Variants in ESM1 observed in about 807,000 individuals in gnomAD.
ESM1 encodes the protein endothelial cell specific molecule 1, also known as endothelial cell-specific molecule 1.
In ESM1, 7 loss-of-function variants were observed where a neutral mutation model predicts 14.9. The ratio of observed to expected loss-of-function variants is 0.47; its 90% CI spans 0.27 to 0.88. ESM1 has a LOEUF of 0.88. Among genes scored for constraint, ESM1 ranks in the 40% least tolerant of loss-of-function variants. The probability of loss-of-function intolerance (pLI) is 0.14; values close to 1 mark genes in which losing one functional copy is unlikely to be tolerated. For synonymous variants in ESM1, 89 were observed against 89.4 expected (o/e 1.00, Z 0.02); for missense variants, 192 against 237.9 (o/e 0.81, Z 1.27).
rs367904025 is a variant in ESM1, at chr5:54,981,999, G to A, written c.449C>T (p.Thr150Met). The A allele has an allele frequency of 2.7e-5, 43 of 1,613,778 alleles. No homozygotes were observed. Among genetic ancestry groups the A allele is most frequent in the Admixed American group, 5.0e-5 (3 of 59,998 alleles). ...TKSSNRFVSLTEHDMASGDGN... is the reference protein window; with the variant it reads ...TKSSNRFVSLMEHDMASGDGN... ...CTTATACCAGAATCAGTGCTTACCC[G>A]TGAGAGAAACAAATCTGTTGGAAGA... Residue 150 changes from threonine to methionine, a missense_variant and splice_region_variant, in exon 2 of 3, where the codon ACG (threonine) becomes ATG (methionine). Physicochemically the swap from Thr to Met is moderately conservative, Grantham distance 81. Transcript: ENST00000381405.
At chr5:54,979,472 C>T in intron 2 of ESM1, 37 bp from the exon 3 acceptor site, 1 of 1,354,602 alleles carries the variant, frequency 7.4e-7, no homozygotes, top group Non-Finnish European at 1.1e-6. Context: ...GTCCAAACAT[C>T]TATAGCTCAA....
chr5:54,985,120 CCT>C, intron 1 of ESM1, 95 bp downstream of exon 1: 1 of 1,113,566 alleles, frequency 9.0e-7, no homozygotes, highest in Non-Finnish European at 1.3e-6. Flanking sequence ...CTGCCTTTTC[CCT>C]CTTACTCTTG....
At chr5:54,981,697 CAGTT>C (rs534035204) in intron 2 of ESM1, among the ~76,000 whole-genome samples, 3 of 152,162 alleles carry the variant, frequency 2.0e-5, no homozygotes, top group African/African-American at 4.8e-5. Context: ...TTGTGTATCT[CAGTT>C]GGTTATTTTT....
chr5:54,985,074 T>C lies in ESM1; in HGVS notation c.301+143A>G, dbSNP rs910472982. 3 of 728,154 alleles carry C rather than the reference T, an allele frequency of 4.1e-6. No homozygotes were observed. The African/African-American group carries it at 5.3e-5, about 13-fold the overall frequency. 45.1% of individuals were successfully genotyped at this position (728,154 alleles called of 1,614,324 possible). ...GGAGCTATCCTTCAGTCTCTACCCATGACAATACCTGTGTGGTGCCTTGTC... is the reference window on the plus strand; with the variant it reads ...GGAGCTATCCTTCAGTCTCTACCCACGACAATACCTGTGTGGTGCCTTGTC... On this transcript the variant is annotated intron_variant, in intron 1 of 2. Coordinates refer to ENST00000381405, the MANE Select transcript of ESM1 (RefSeq NM_007036.5).
At chr5:54,982,258 T>C (rs903442527) in intron 1 of ESM1, 112 bp from the exon 2 acceptor site, 5 of 999,304 alleles carry the variant, frequency 5.0e-6, no homozygotes, top group Non-Finnish European at 7.2e-6. Flanking sequence ...GAACCTTGAC[T>C]GTAAAGTAAA....
chr5:54,983,015 A>G (rs906493076), intron 1 of ESM1, among the ~76,000 whole-genome samples: 1 of 152,246 alleles, frequency 6.6e-6, no homozygotes, highest in African/African-American at 2.4e-5. Context: ...TTTAAAAGCC[A>G]GCAGAATAGA....
chr5:54,984,336 T>C (rs1740482792), intron 1 of ESM1, among the ~76,000 whole-genome samples: 1 of 152,206 alleles, frequency 6.6e-6, no homozygotes, highest in Admixed American at 6.5e-5. Context: ...TAATAATAGC[T>C]CTTCATAATA....
Position 54,985,201 on chromosome 5 carries a change from A to C in ESM1, c.301+16T>G, listed in dbSNP as rs759708868. 1 of 1,583,086 alleles carries C rather than the reference A, an allele frequency of 6.3e-7. No homozygotes were observed. The highest frequency in any genetic ancestry group is 2.3e-5 in the East Asian group (1 of 44,266). ...AGCATGCCCCGGGAGGGGAGAGGTA[A>C]GGGGTCACTCTTTACCTTTGCAGAT... On this transcript the variant is annotated intron_variant, in intron 1 of 2. Coordinates refer to ENST00000381405, the MANE Select transcript of ESM1 (RefSeq NM_007036.5).
At chr5:54,981,170 A>G (rs1444617290) in intron 2 of ESM1, among the ~76,000 whole-genome samples, 1 of 152,184 alleles carries the variant, frequency 6.6e-6, no homozygotes, top group Non-Finnish European at 1.5e-5. Context: ...GGAACATTTA[A>G]AATTTATTAT....
At chr5:54,983,461 C>A (rs1416869871) in intron 1 of ESM1, among the ~76,000 whole-genome samples, 1 of 152,206 alleles carries the variant, frequency 6.6e-6, no homozygotes, top group African/African-American at 2.4e-5. Flanking sequence ...TTAATCTGGG[C>A]AAGATGTTCA....
At chr5:54,981,850 T>C in intron 2 of ESM1, 147 bp downstream of exon 2, 8 of 731,676 alleles carry the variant, frequency 1.1e-5, no homozygotes, top group Non-Finnish European at 1.7e-5. Context: ...GCAACCAAAC[T>C]CAGCTACCAC....
At chr5:54,985,125 T>G in intron 1 of ESM1, 92 bp downstream of exon 1, 2 of 1,175,918 alleles carry the variant, frequency 1.7e-6, no homozygotes, top group South Asian at 1.5e-5. Context: ...TTTTCCCTCT[T>G]ACTCTTGAGG....
Position 54,979,374 on chromosome 5 carries a change from A to G in ESM1, c.513T>C (p.Ala171=). ...ATTTCCTCATTACGGGAGACCCGGC[A>G]GCATTCTCTTTCACAACTTCTTCTC... ...IVREEVVKEN[A]AGSPVMRKWL... is the part of the protein sequence containing the mutation. Residue 171 remains alanine (A), a synonymous_variant, in exon 3 of 3, where the codon GCT becomes GCC. Transcript: ENST00000381405. 6.2e-7 allele frequency: 1 copy of G among 1,613,960 alleles called. No individual in the cohort carries two copies. Among genetic ancestry groups the G allele is most frequent in the Non-Finnish European group, 8.5e-7 (1 of 1,179,818 alleles).
At chr5:54,981,943 T>C (rs772151937) in intron 2 of ESM1, 54 bp downstream of exon 2, 4 of 1,522,168 alleles carry the variant, frequency 2.6e-6, no homozygotes, top group Non-Finnish European at 3.6e-6. Flanking sequence ...TTCTAAGTTA[T>C]TCACACTGAA....
rs1434621705 is a variant in ESM1 at position 54,982,070 on chromosome 5, C to T, written c.378G>A (p.Thr126=). Residue 126 remains threonine, a synonymous_variant, in exon 2 of 3, where the codon ACG becomes ACA. Coordinates refer to ENST00000381405, the MANE Select transcript of ESM1 (RefSeq NM_007036.5). ...AGAAGGGGAATTTCAGGCATTTTCC[C>T]GTCCCCCTGTCACAGATGCCTGACT... is the stretch of plus-strand genomic sequence containing the variant. ...NCQSGICDRG[T]GKCLKFPFFQ... The T allele has an allele frequency of 8.1e-6, 13 of 1,614,108 alleles. No homozygotes were observed. Among genetic ancestry groups the T allele is most frequent in the Middle Eastern group, 1.6e-4 (1 of 6,062 alleles).
chr5:54,979,816 T>G lies in ESM1; in HGVS notation c.452-381A>C, dbSNP rs572240917. On this transcript the variant is annotated intron_variant, in intron 2 of 2. Transcript: ENST00000381405. Reference sequence around the variant, plus strand: ...AGGCACTTAATAAATACTTATGGAATAGGCAAATGTTGTACAAACAGGTCT... The same window carrying G: ...AGGCACTTAATAAATACTTATGGAAGAGGCAAATGTTGTACAAACAGGTCT... Among the ~76,000 whole-genome samples, 3 of 152,362 alleles carry G rather than the reference T, an allele frequency of 2.0e-5. No homozygotes were observed. The South Asian group carries it at 6.2e-4, about 32-fold the overall frequency.
intron 1 of ESM1, 74 bp downstream of exon 1, chr5:54,985,143 C>T (rs1740508992): frequency 7.2e-7 from 1 of 1,395,804 alleles, no homozygotes; most frequent in East Asian, 2.3e-5. Context: ...AGGAGCAAAG[C>T]CACCTCACCT....
At chr5:54,980,436 G>C (rs1175244511) in intron 2 of ESM1, among the ~76,000 whole-genome samples, 1 of 152,124 alleles carries the variant, frequency 6.6e-6, no homozygotes, top group African/African-American at 2.4e-5. Flanking sequence ...CATGAACCTG[G>C]AAGTCTCATG....
rs752986133 is a variant in ESM1 at position 54,982,009 on chromosome 5, C to A, written c.439G>T (p.Val147Phe). 1 of 1,613,980 alleles carries A rather than the reference C, an allele frequency of 6.2e-7. No individual in the cohort carries two copies. Among genetic ancestry groups the A allele is most frequent in the Non-Finnish European group, 8.5e-7 (1 of 1,179,990 alleles). The change falls in exon 2 of 3, where the codon GTT (valine) becomes TTT (phenylalanine). Residue 147 changes from valine (V) to phenylalanine (F), a missense_variant. Coordinates refer to ENST00000381405, the MANE Select transcript of ESM1 (RefSeq NM_007036.5). Reference sequence around the variant, plus strand: ...AATCAGTGCTTACCCGTGAGAGAAACAAATCTGTTGGAAGACTTGGTTACT... The same window carrying A: ...AATCAGTGCTTACCCGTGAGAGAAAAAAATCTGTTGGAAGACTTGGTTACT... ...YSVTKSSNRF[V>F]SLTEHDMASG...
Sources: allele counts gnomAD v4.1 joint callset (sites outside exome capture counted in the v4.1 genomes callset), GRCh38; gene constraint gnomAD v4.1.1; transcripts MANE v1.5; gene names NCBI Gene and HGNC (gene_info 2026-07-23, HGNC 2026-07-21).